Variants in TBC1D4 observed in about 807,000 individuals in gnomAD.
The protein encoded by TBC1D4 is TBC1 domain family member 4.
TBC1D4 carries 121 observed loss-of-function variants against 142.5 expected under a neutral mutation model. The ratio of observed to expected loss-of-function variants is 0.85; its 90% CI spans 0.73 to 0.99. TBC1D4 has a LOEUF of 0.99. TBC1D4 is among the 50% of genes least tolerant of loss of function. TBC1D4 has a pLI of 0.00. For synonymous variants in TBC1D4, 630 were observed against 628.2 expected (o/e 1.00, Z -0.04); for missense variants, 1,475 against 1,606.6 (o/e 0.92, Z 1.40).
chr13:75,327,336 C>T (rs1040115280), intron 9 of TBC1D4, among the ~76,000 whole-genome samples: 4 of 151,944 alleles, frequency 2.6e-5, no homozygotes, highest in Non-Finnish European at 2.9e-5. Context: ...CCCAACCTAC[C>T]GAGAGTTGTC....
intron 18 of TBC1D4, among the ~76,000 whole-genome samples, chr13:75,293,384 T>G (rs1369175416): frequency 1.3e-5 from 2 of 152,186 alleles, no homozygotes; most frequent in African/African-American, 4.8e-5. Flanking sequence ...GAACAGCTAT[T>G]GTATAGCCAA....
chr13:75,405,750 T>C (rs993134827), intron 1 of TBC1D4, among the ~76,000 whole-genome samples: 1 of 152,220 alleles, frequency 6.6e-6, no homozygotes, highest in Non-Finnish European at 1.5e-5. Context: ...GCAGAAAAGC[T>C]TTAAGCCAAG....
intron 1 of TBC1D4, among the ~76,000 whole-genome samples, chr13:75,463,443 AAC>A (rs1420453381): frequency 6.6e-6 from 1 of 152,196 alleles, no homozygotes; most frequent in Non-Finnish European, 1.5e-5. Flanking sequence ...CCCATTTTTA[AAC>A]AGAGATTCCC....
chr13:75,358,281 C>T (rs1365108435), intron 3 of TBC1D4, among the ~76,000 whole-genome samples: 1 of 152,200 alleles, frequency 6.6e-6, no homozygotes, highest in East Asian at 1.9e-4. Flanking sequence ...CCTTAGACAC[C>T]TGCCCTCACA....
intron 2 of TBC1D4, 43 bp from the exon 3 acceptor site, chr13:75,359,901 T>C (rs1456691194): frequency 6.8e-7 from 1 of 1,460,910 alleles, no homozygotes; most frequent in East Asian, 2.3e-5. Context: ...TTCATAAGGA[T>C]CTAACATCTT....
intron 1 of TBC1D4, among the ~76,000 whole-genome samples, chr13:75,421,773 A>G (rs1886180262): frequency 6.6e-6 from 1 of 152,230 alleles, no homozygotes; most frequent in Admixed American, 6.5e-5. Context: ...AAAAGTGACA[A>G]CTTTCTTAAC....
Position 75,287,230 on chromosome 13 carries a change from C to T in TBC1D4, c.3664-205G>A, listed in dbSNP as rs73527791. 5.5e-3 allele frequency among the ~76,000 whole-genome samples: 844 copies of T among 152,268 alleles called. 8 individuals carry two copies. Among genetic ancestry groups the T allele is most frequent in the African/African-American group, 0.019 (799 of 41,540 alleles). On this transcript the variant is annotated intron_variant, in intron 20 of 20. Transcript: ENST00000377636. ...CCATGCTTCATCTCTTCTCACTGAA[C>T]ACACGAATAATTCAATACTAAATCA...
intron 8 of TBC1D4, among the ~76,000 whole-genome samples, chr13:75,332,017 A>G (rs1879790406): frequency 6.6e-6 from 1 of 152,206 alleles, no homozygotes; most frequent in Middle Eastern, 3.2e-3. Context: ...TCACTCTGGG[A>G]AACAAAAGCT....
Position 75,310,107 on chromosome 13 carries a change from G to C in TBC1D4, c.2428C>G (p.Pro810Ala). The C allele has an allele frequency of 6.2e-7, 1 of 1,613,918 alleles. No homozygotes were observed. Among genetic ancestry groups the C allele is most frequent in the Non-Finnish European group, 8.5e-7 (1 of 1,179,900 alleles). ...ACCAGCGGTTCCTCCTCCATGGTTGGAGAGAGGGGGGACAGTGGCAGCAGC... is the reference window on the plus strand; with the variant it reads ...ACCAGCGGTTCCTCCTCCATGGTTGCAGAGAGGGGGGACAGTGGCAGCAGC... ...NELLPLSPLSPTMEEEPLVVF... is the reference protein window; with the variant it reads ...NELLPLSPLSATMEEEPLVVF... The change falls in exon 14 of 21, where the codon CCA becomes GCA. Residue 810 changes from proline to alanine, a missense_variant. Pro to Ala is a conservative substitution (Grantham distance 27, BLOSUM62 -1). This residue lies in a region of TBC1D4 where 1,227 missense variants were observed against 1,267.7 expected (regional missense o/e 0.97). Coordinates refer to ENST00000377636, the MANE Select transcript of TBC1D4 (RefSeq NM_014832.5).
chr13:75,339,744 G>GT (rs552774444), intron 7 of TBC1D4, among the ~76,000 whole-genome samples: 3 of 151,538 alleles, frequency 2.0e-5, no homozygotes, highest in Non-Finnish European at 4.4e-5. Context: ...CCGGCTAATT[G>GT]TTTTTGTATT....
In TBC1D4 at chr13:75,341,117, C is replaced by T; in HGVS notation, c.1611+8G>A. On this transcript the variant is annotated splice_region_variant and intron_variant, in intron 7 of 20. Transcript: ENST00000377636. ...CAAAAGTAGGTGAAGTAGGAAATAT[C>T]TTCTCACAGAAGGGCCTTCCCCGAT... The T allele has an allele frequency of 6.3e-7, 1 of 1,597,626 alleles. No homozygotes were observed. The highest frequency in any genetic ancestry group is 1.1e-5 in the South Asian group (1 of 90,072).
chr13:75,476,301 C>T lies in TBC1D4; in HGVS notation c.498+4969G>A, dbSNP rs1374235708. Among the ~76,000 whole-genome samples, 4 of 152,194 alleles carry T rather than the reference C, an allele frequency of 2.6e-5. No individual in the cohort carries two copies. The East Asian group carries it at 7.7e-4, about 29-fold the overall frequency. On this transcript the variant is annotated intron_variant, in intron 1 of 20. Coordinates refer to ENST00000377636, the MANE Select transcript of TBC1D4 (RefSeq NM_014832.5). ...TTTGTGTTTCTATACACCTTATACA[C>T]ATAGCCTCAAGGTAATTTTATACAA...
intron 19 of TBC1D4, among the ~76,000 whole-genome samples, chr13:75,291,603 T>A (rs1044805428): frequency 6.6e-6 from 1 of 152,098 alleles, no homozygotes; most frequent in African/African-American, 2.4e-5. Context: ...ATCAGTATCA[T>A]CCCATTCTGG....
At position 75,324,302 on chromosome 13, in the gene TBC1D4, G is replaced by C. The variant is rs761030122; in HGVS notation, c.2133C>G (p.Pro711=). The C allele has an allele frequency of 3.7e-6, 6 of 1,614,026 alleles. No homozygotes were observed. The East Asian group carries it at 6.7e-5, about 18-fold the overall frequency. The change falls in exon 11 of 21, where the codon CCC becomes CCG. Residue 711 remains proline, a synonymous_variant. Transcript: ENST00000377636. ...TSFSAPSFTA[P]SFLKSFYQNS... is the part of the protein sequence containing the mutation. Reference sequence around the variant, plus strand: ...TCTGGTAAAAGCTTTTCAGGAAAGAGGGGGCAGTGAAGGAAGGGGCAGAGA... The same window carrying C: ...TCTGGTAAAAGCTTTTCAGGAAAGACGGGGCAGTGAAGGAAGGGGCAGAGA...
At chr13:75,460,887 C>A (rs1310591154) in intron 1 of TBC1D4, among the ~76,000 whole-genome samples, 1 of 152,084 alleles carries the variant, frequency 6.6e-6, no homozygotes, top group Non-Finnish European at 1.5e-5. Flanking sequence ...CACGCCATTG[C>A]ACTCCAGCCT....
At chr13:75,327,875 C>T (rs1879410611) in intron 8 of TBC1D4, 49 bp from the exon 9 acceptor site, 1 of 1,583,392 alleles carries the variant, frequency 6.3e-7, no homozygotes, top group Non-Finnish European at 8.7e-7. Flanking sequence ...TAAAATTTTA[C>T]TTCAAAACTA....
At chr13:75,293,500 A>T (rs545248267) in intron 18 of TBC1D4, among the ~76,000 whole-genome samples, 1 of 152,344 alleles carries the variant, frequency 6.6e-6, no homozygotes, top group Admixed American at 6.5e-5. Flanking sequence ...GGTGCCCTGA[A>T]ACATCATTTT....
intron 19 of TBC1D4, among the ~76,000 whole-genome samples, chr13:75,290,456 AG>A (rs1190878100): frequency 7.2e-5 from 11 of 152,306 alleles, no homozygotes; most frequent in African/African-American, 2.6e-4. Flanking sequence ...TAATCTATAA[AG>A]CCAGGCAATT....
intron 1 of TBC1D4, among the ~76,000 whole-genome samples, chr13:75,435,638 C>A (rs1440993748): frequency 6.6e-6 from 1 of 152,118 alleles, no homozygotes; most frequent in Non-Finnish European, 1.5e-5. Context: ...AGCTATGACA[C>A]CCAGTGGCAA....
Sources: gnomAD v4.1 joint callset for allele counts (sites outside exome capture counted in the v4.1 genomes callset) on GRCh38, gnomAD v4.1.1 for gene constraint, gnomAD v4.1.1 regional missense constraint, MANE v1.5 for transcripts, NCBI Gene and HGNC (gene_info 2026-07-23, HGNC 2026-07-21) for gene names.